The following POU2F2 variants were observed in gnomAD, a reference collection of about 807,000 sequenced individuals.
POU2F2 encodes POU domain, class 2, transcription factor 2.
Under a neutral mutation model 63.5 loss-of-function variants are expected in POU2F2, and 14 were observed. The ratio of observed to expected loss-of-function variants is 0.22; its 90% confidence interval spans 0.15 to 0.34. The LOEUF (loss-of-function observed/expected upper bound fraction) is 0.34, where lower values mean the gene tolerates loss of function less well. Among genes scored for constraint, POU2F2 ranks in the 10% least tolerant of loss-of-function variants. POU2F2 has a pLI of 1.00. For missense variants in POU2F2, 607 were observed against 815.2 expected (o/e 0.74, Z 3.11); for synonymous variants, 306 against 348.6 (o/e 0.88, Z 1.36).
intron 1 of POU2F2, among the ~76,000 whole-genome samples, chr19:42,172,928 C>T (rs1221452632): frequency 1.3e-5 from 2 of 152,128 alleles, no homozygotes; most frequent in Non-Finnish European, 2.9e-5. Context: ...ATAGGACAGA[C>T]CTATAAGGAC....
Position 42,092,131 on chromosome 19 carries a change from T to C in POU2F2, c.1404A>G (p.Thr468=). The stretch of plus-strand genomic sequence containing the variant: ...AGTGGCTGCCTTGAGGGCTGGGGTT[T>C]GTGCTGTTGGTGGTGGCCGGGGGTG... ...TPPPPATTNS[T]NPSPQGSHSA... is the part of the protein sequence containing the mutation. Residue 468 remains threonine, a synonymous_variant, in exon 13 of 15, where the codon ACA becomes ACG. Transcript: ENST00000692977. The surrounding 1 kb of genome is among the most constrained non-coding windows in gnomAD (Gnocchi z 5.0). The C allele has an allele frequency of 6.4e-7, 1 of 1,572,392 alleles. No individual in the cohort carries two copies. Among genetic ancestry groups the C allele is most frequent in the Non-Finnish European group, 8.6e-7 (1 of 1,160,382 alleles).
chr19:42,153,602 A>G lies in POU2F2; in HGVS notation c.-9+6730T>C, dbSNP rs992107413. 6.6e-6 allele frequency among the ~76,000 whole-genome samples: 1 copy of G among 151,760 alleles called. No individual in the cohort carries two copies. Among genetic ancestry groups the G allele is most frequent in the African/African-American group, 2.4e-5 (1 of 41,286 alleles). On this transcript the variant is annotated intron_variant, in intron 2 of 6. Coordinates refer to the POU2F2 transcript ENST00000524801. This position sits in a 1 kb window ranked among gnomAD's most constrained non-coding sequence, Gnocchi z 5.6. ...TTCAGGGATCTGCGCGGTGGTCTCTATGTGTACTGGAAGCAGGTTCTCCTC... is the reference window on the plus strand; with the variant it reads ...TTCAGGGATCTGCGCGGTGGTCTCTGTGTGTACTGGAAGCAGGTTCTCCTC...
chr19:42,112,779 C>T (rs1242068345), intron 5 of POU2F2, among the ~76,000 whole-genome samples: 3 of 152,162 alleles, frequency 2.0e-5, no homozygotes, highest in Non-Finnish European at 2.9e-5. Context: ...TGGAGCTGGG[C>T]CTGATATTCC....
chr19:42,195,722 T>TTCCC (rs1048182907), intron 1 of POU2F2, among the ~76,000 whole-genome samples: 1 of 136,032 alleles, frequency 7.4e-6, no homozygotes, highest in Admixed American at 7.5e-5. Flanking sequence ...TTCCACCACC[T>TTCCC]TCCCTCCCTC....
intron 2 of POU2F2, among the ~76,000 whole-genome samples, chr19:42,142,394 G>A (rs149883121): frequency 3.2e-4 from 49 of 152,242 alleles, no homozygotes; most frequent in African/African-American, 1.1e-3. Context: ...GTTTCACCGT[G>A]TTAGCCAAGA....
In POU2F2 at chr19:42,092,921, C is replaced by T. The variant is rs897651286; in HGVS notation, c.1265-651G>A. On this transcript the variant is annotated intron_variant, in intron 12 of 14. Coordinates refer to ENST00000692977, the MANE Select transcript of POU2F2 (RefSeq NM_001394376.1). The surrounding 1 kb of genome is among the most constrained non-coding windows in gnomAD (Gnocchi z 5.0). ...TATTTTCTAGCCTGGGGAGGGGCAA[C>T]GTGTTGTTTTATGTGTATATATATT... Among the ~76,000 whole-genome samples, 1 of 146,060 alleles carries T rather than the reference C, an allele frequency of 6.8e-6. No homozygotes were observed. The highest frequency in any genetic ancestry group is 1.5e-5 in the Non-Finnish European group (1 of 67,118).
intron 1 of POU2F2, 109 bp from the exon 2 acceptor site, chr19:42,122,685 AC>A: frequency 3.1e-6 from 3 of 954,204 alleles, no homozygotes; most frequent in Non-Finnish European, 4.6e-6. Flanking sequence ...TTCCCCCCTT[AC>A]CCCCAGCCAC....
chr19:42,101,460 G>A (rs2077139419), intron 5 of POU2F2, among the ~76,000 whole-genome samples: 1 of 152,132 alleles, frequency 6.6e-6, no homozygotes, highest in African/African-American at 2.4e-5. Flanking sequence ...AAGATGATGT[G>A]AAGAGACACA....
At chr19:42,115,413 T>C (rs1179072915) in intron 5 of POU2F2, among the ~76,000 whole-genome samples, 1 of 152,070 alleles carries the variant, frequency 6.6e-6, no homozygotes, top group East Asian at 1.9e-4. Context: ...GTGGAAGTGG[T>C]TGGACGGAGT....
In POU2F2 at chr19:42,153,732, T is replaced by C. The variant is rs1010708692; in HGVS notation, c.-9+6600A>G. Among the ~76,000 whole-genome samples the C allele has an allele frequency of 4.6e-5, 7 of 152,160 alleles. No individual in the cohort carries two copies. The highest frequency in any genetic ancestry group is 1.7e-4 in the African/African-American group (7 of 41,416). The stretch of plus-strand genomic sequence containing the variant: ...GTTTCCACAAGTGGGCTGGAGGCTC[T>C]GGGTGTGTCCCTGTGTGTGTCATGG... On this transcript the variant is annotated intron_variant, in intron 2 of 6. Coordinates refer to the POU2F2 transcript ENST00000524801. The surrounding 1 kb of genome is among the most constrained non-coding windows in gnomAD (Gnocchi z 5.6).
intron 1 of POU2F2, among the ~76,000 whole-genome samples, chr19:42,161,320 C>T (rs1054958224): frequency 6.6e-6 from 1 of 152,072 alleles, no homozygotes. Context: ...CCCTGCAGGG[C>T]GTCAAGTGCC....
At chr19:42,141,681 T>C (rs1327263942) in intron 2 of POU2F2, among the ~76,000 whole-genome samples, 1 of 152,014 alleles carries the variant, frequency 6.6e-6, no homozygotes, top group Non-Finnish European at 1.5e-5. Flanking sequence ...GGTTTCTCCA[T>C]GTTGGTCAGG....
At chr19:42,120,062 A>G (rs2032409261) in intron 4 of POU2F2, among the ~76,000 whole-genome samples, 1 of 151,976 alleles carries the variant, frequency 6.6e-6, no homozygotes, top group Non-Finnish European at 1.5e-5. Context: ...GACTACAGGC[A>G]TGCACACCCA....
intron 1 of POU2F2, among the ~76,000 whole-genome samples, chr19:42,183,189 G>A (rs780003290): frequency 2.6e-5 from 4 of 152,212 alleles, no homozygotes; most frequent in African/African-American, 4.8e-5. Flanking sequence ...GCTGTAAGCT[G>A]AAGAAACAAA....
chr19:42,134,773 G>A (rs1005951431), upstream of POU2F2: 1 of 152,196 alleles, frequency 6.6e-6, no homozygotes, highest in Non-Finnish European at 1.5e-5. Context: ...GGCTCCCCAG[G>A]GCCAGCGGGG....
intron 1 of POU2F2, among the ~76,000 whole-genome samples, chr19:42,123,733 C>T (rs1001201214): frequency 7.2e-5 from 11 of 152,156 alleles, no homozygotes; most frequent in African/African-American, 2.7e-4. Flanking sequence ...CGCCCAAGCT[C>T]ATCCTGAAAC....
At position 42,086,956 on chromosome 19, in the gene POU2F2, A is replaced by G. The variant is rs1350557180; in HGVS notation, c.*4301T>C. ...CAAGGACAAATACTTAAAAATATAC[A>G]TTATTTTTTCTTTGTTTCCGCCTTT... On this transcript the variant is annotated 3_prime_UTR_variant, in exon 15 of 15. Coordinates refer to ENST00000692977, the MANE Select transcript of POU2F2 (RefSeq NM_001394376.1). 1.3e-5 allele frequency: 2 copies of G among 151,990 alleles called. No homozygotes were observed. The highest frequency in any genetic ancestry group is 2.1e-4 in the South Asian group (1 of 4,816). 9.4% of individuals were successfully genotyped at this position (151,990 alleles called of 1,614,324 possible). A position where few individuals can be genotyped will look rare whatever the true frequency, so the allele number is the denominator to read the frequency against.
At chr19:42,173,940 G>A (rs1439117549) in intron 1 of POU2F2, among the ~76,000 whole-genome samples, 1 of 152,112 alleles carries the variant, frequency 6.6e-6, no homozygotes, top group Non-Finnish European at 1.5e-5. Flanking sequence ...GGCCCTGATC[G>A]GCTTTACTCC....
At chr19:42,138,660 A>G (rs1366191707) in intron 2 of POU2F2, among the ~76,000 whole-genome samples, 1 of 152,006 alleles carries the variant, frequency 6.6e-6, no homozygotes, top group Non-Finnish European at 1.5e-5. Context: ...GGCAGGGGAG[A>G]AAGGAGCCAT....
Sources: allele counts gnomAD v4.1 joint callset (sites outside exome capture counted in the v4.1 genomes callset), GRCh38; gene constraint gnomAD v4.1.1; non-coding constraint Gnocchi (gnomAD v3.1); transcripts MANE v1.5; gene names NCBI Gene and HGNC (gene_info 2026-07-23, HGNC 2026-07-21).